The following BMPR2 variants were observed in gnomAD, a reference collection of about 807,000 sequenced individuals.
BMPR2 encodes the protein bone morphogenetic protein receptor type-2.
Under a neutral mutation model 100.8 loss-of-function variants are expected in BMPR2, and 29 were observed. The observed-to-expected ratio is 0.29, with a 90% CI of 0.21 to 0.39. The LOEUF is 0.39. Ranked by LOEUF, BMPR2 falls within the 10% of genes least tolerant of loss-of-function variation. The pLI, the probability that BMPR2 is intolerant of heterozygous loss-of-function variation, is 1.00. For missense variants in BMPR2, 1,011 were observed against 1,274.5 expected (o/e 0.79, Z 3.15); for synonymous variants, 382 against 442.3 (o/e 0.86, Z 1.71).
At position 202,377,177 on chromosome 2, in the gene BMPR2, A is replaced by T; in HGVS notation, c.-298A>T. ...AACTACGAGGGAAATAATTTGGGGG[A>T]TTTCTTCTTGGCTCCCTGCTTTCCC... On this transcript the variant is annotated 5_prime_UTR_variant, in exon 1 of 13. Transcript: ENST00000374580. 1.7e-6 allele frequency: 1 copy of T among 581,952 alleles called. No homozygotes were observed. Among genetic ancestry groups the T allele is most frequent in the Non-Finnish European group, 3.1e-6 (1 of 327,136 alleles). 36.0% of individuals were successfully genotyped at this position (581,952 alleles called of 1,614,324 possible).
In BMPR2 at chr2:202,394,074, G is replaced by T. The variant is rs997608502; in HGVS notation, c.76+16524G>T. Among the ~76,000 whole-genome samples, 3 of 152,178 alleles carry T rather than the reference G, an allele frequency of 2.0e-5. 1 individual carries two copies. The South Asian group carries it at 6.2e-4, about 32-fold the overall frequency. ...TGTATAAAAGATTACTCCTGGCCGG[G>T]CGTGGTGGCTCATGCCTGTAATCCC... is the stretch of plus-strand genomic sequence containing the variant. On this transcript the variant is annotated intron_variant, in intron 1 of 12. Coordinates refer to ENST00000374580, the MANE Select transcript of BMPR2 (RefSeq NM_001204.7).
chr2:202,532,820 T>C lies in BMPR2; in HGVS notation c.1276+88T>C. On this transcript the variant is annotated intron_variant, in intron 9 of 12. Coordinates refer to ENST00000374580, the MANE Select transcript of BMPR2 (RefSeq NM_001204.7). The surrounding 1 kb of genome is among the most constrained non-coding windows in gnomAD (Gnocchi z 4.1). ...CCTATAGTACCTAACTCAACTTTTA[T>C]GTAAGAATCTTTTTACTTTCATTTA... is the stretch of plus-strand genomic sequence containing the variant. The C allele has an allele frequency of 7.1e-7, 1 of 1,412,302 alleles. No homozygotes were observed. The highest frequency in any genetic ancestry group is 9.8e-7 in the Non-Finnish European group (1 of 1,024,146). 87.5% of individuals were successfully genotyped at this position (1,412,302 alleles called of 1,614,324 possible). A position where few individuals can be genotyped will look rare whatever the true frequency, so the allele number is the denominator to read the frequency against.
chr2:202,394,926 C>T (rs1363357741), intron 1 of BMPR2, among the ~76,000 whole-genome samples: 2 of 151,094 alleles, frequency 1.3e-5, no homozygotes, highest in Non-Finnish European at 2.9e-5. Flanking sequence ...CACTCTGTTT[C>T]CCAGGCTGGA....
chr2:202,402,631 T>C (rs1690788239), intron 1 of BMPR2, among the ~76,000 whole-genome samples: 1 of 151,656 alleles, frequency 6.6e-6, no homozygotes. Flanking sequence ...GAAACAATAC[T>C]GATAGCAAAA....
intron 1 of BMPR2, among the ~76,000 whole-genome samples, chr2:202,452,702 C>T (rs924953618): frequency 1.8e-4 from 27 of 152,228 alleles, no homozygotes; most frequent in African/African-American, 6.0e-4. Context: ...TCAATAAATA[C>T]TTGTTGAATG....
intron 1 of BMPR2, among the ~76,000 whole-genome samples, chr2:202,429,380 T>G (rs918115045): frequency 6.6e-6 from 1 of 152,126 alleles, no homozygotes; most frequent in African/African-American, 2.4e-5. Flanking sequence ...CACTCTGCAT[T>G]CCAGTAACAC....
intron 1 of BMPR2, among the ~76,000 whole-genome samples, chr2:202,450,814 T>TA (rs1333009905): frequency 6.6e-6 from 1 of 152,176 alleles, no homozygotes; most frequent in Non-Finnish European, 1.5e-5. Context: ...ACAATTATGT[T>TA]AGATTAAGAT....
intron 1 of BMPR2, among the ~76,000 whole-genome samples, chr2:202,429,754 CCTT>C (rs1487680579): frequency 3.3e-5 from 5 of 152,078 alleles, no homozygotes; most frequent in Non-Finnish European, 5.9e-5. Flanking sequence ...GAAGCAGGTG[CCTT>C]CTTCACAAGG....
chr2:202,393,008 A>AGG (rs1559023994), intron 1 of BMPR2, among the ~76,000 whole-genome samples: 2 of 150,462 alleles, frequency 1.3e-5, no homozygotes, highest in Non-Finnish European at 3.0e-5. Flanking sequence ...AAAAAAAAAA[A>AGG]AAGTTAAGGG....
chr2:202,532,312 T>A lies in BMPR2; in HGVS notation c.1129-273T>A, dbSNP rs1406075074. Among the ~76,000 whole-genome samples, 4 of 152,234 alleles carry A rather than the reference T, an allele frequency of 2.6e-5. No homozygotes were observed. The highest frequency in any genetic ancestry group is 5.9e-5 in the Non-Finnish European group (4 of 68,042). ...ATATTGTTTTGCAATTTTCTCACTG[T>A]ATCTTACAGATTATTTATATTGATA... On this transcript the variant is annotated intron_variant, in intron 8 of 12. Coordinates refer to ENST00000374580, the MANE Select transcript of BMPR2 (RefSeq NM_001204.7). The surrounding 1 kb of genome is among the most constrained non-coding windows in gnomAD (Gnocchi z 4.1).
intron 3 of BMPR2, among the ~76,000 whole-genome samples, chr2:202,499,234 G>A (rs1016252867): frequency 1.3e-5 from 2 of 152,156 alleles, no homozygotes; most frequent in African/African-American, 4.8e-5. Context: ...AGGGTCTAGG[G>A]CAAACCTTTG....
chr2:202,442,094 G>T (rs999506980), intron 1 of BMPR2, among the ~76,000 whole-genome samples: 1 of 150,540 alleles, frequency 6.6e-6, no homozygotes, highest in Admixed American at 6.6e-5. Flanking sequence ...TTTTCTTGGG[G>T]GAGTCACGTA....
intron 1 of BMPR2, among the ~76,000 whole-genome samples, chr2:202,412,419 C>T (rs566739993): frequency 1.3e-5 from 2 of 152,182 alleles, no homozygotes; most frequent in South Asian, 2.1e-4. Context: ...TCTGGATTCA[C>T]GCCATTCTCC....
chr2:202,378,712 G>C (rs1387123160), intron 1 of BMPR2, among the ~76,000 whole-genome samples: 2 of 152,110 alleles, frequency 1.3e-5, no homozygotes, highest in Non-Finnish European at 2.9e-5. Context: ...TTGAACTTCT[G>C]AGTTTACTTT....
At chr2:202,458,043 T>C (rs79783863) in intron 1 of BMPR2, among the ~76,000 whole-genome samples, 6,417 of 152,080 alleles carry the variant, frequency 0.042, 474 homozygotes, top group African/African-American at 0.15. Flanking sequence ...TACTTGTTTT[T>C]CAAGTAAATG....
At chr2:202,445,263 A>C (rs997817625) in intron 1 of BMPR2, among the ~76,000 whole-genome samples, 1 of 149,838 alleles carries the variant, frequency 6.7e-6, no homozygotes, top group Non-Finnish European at 1.5e-5. Context: ...AGTCTCCCCC[A>C]TCACCCAGGC....
intron 3 of BMPR2, among the ~76,000 whole-genome samples, chr2:202,509,409 T>C (rs1687583289): frequency 6.6e-6 from 1 of 151,926 alleles, no homozygotes; most frequent in Admixed American, 6.6e-5. Flanking sequence ...TCCAGAAATT[T>C]GGGTAATGCT....
intron 1 of BMPR2, among the ~76,000 whole-genome samples, chr2:202,459,587 G>T (rs1692185790): frequency 6.6e-6 from 1 of 152,066 alleles, no homozygotes; most frequent in Admixed American, 6.6e-5. Context: ...AGAACCTGTG[G>T]TGTTTGGTTT....
At chr2:202,517,217 C>G (rs113480822) in intron 5 of BMPR2, among the ~76,000 whole-genome samples, 14 of 138,554 alleles carry the variant, frequency 1.0e-4, no homozygotes, top group African/African-American at 3.8e-4. Context: ...AAGACTATCT[C>G]AATTAAAAAA....
Sources: gnomAD v4.1 joint callset for allele counts (sites outside exome capture counted in the v4.1 genomes callset) on GRCh38, gnomAD v4.1.1 for gene constraint, Gnocchi (gnomAD v3.1) non-coding constraint, MANE v1.5 for transcripts, NCBI Gene and HGNC (gene_info 2026-07-23, HGNC 2026-07-21) for gene names.